The following NFX1 variants were observed in gnomAD, a reference collection of about 807,000 sequenced individuals.
NFX1 encodes the protein transcriptional repressor NF-X1.
NFX1 carries 69 observed loss-of-function variants against 137.2 expected under a neutral mutation model. The ratio of observed to expected loss-of-function variants is 0.50; its 90% CI spans 0.41 to 0.61. The LOEUF (loss-of-function observed/expected upper bound fraction) is 0.61, where lower values mean the gene tolerates loss of function less well. NFX1 is among the 20% of genes least tolerant of loss of function. The pLI is 0.00. For missense variants in NFX1, 1,167 were observed against 1,391.0 expected, an observed-to-expected ratio of 0.84 and a Z score of 2.56; for synonymous variants, 495 against 474.1, an observed-to-expected ratio of 1.04 and a Z score of -0.57.
rs1336922994 is a variant in NFX1 at position 33,303,229 on chromosome 9, G to C, written c.1231G>C (p.Val411Leu). 6.2e-7 allele frequency: 1 copy of C among 1,614,098 alleles called. No homozygotes were observed. The highest frequency in any genetic ancestry group is 1.1e-5 in the South Asian group (1 of 91,076). ...SGWRCPACQN[V>L]SAHVPNTYTC... Reference sequence around the variant, plus strand: ...TTGGAGGTGCCCTGCCTGTCAGAATGTTTCTGCACATGTTCCTAATACCTA... The same window carrying C: ...TTGGAGGTGCCCTGCCTGTCAGAATCTTTCTGCACATGTTCCTAATACCTA... The change falls in exon 4 of 24, where the codon GTT (valine) becomes CTT (leucine). Residue 411 changes from valine (V) to leucine (L), a missense_variant. By Grantham distance (32) the Val-to-Leu change is conservative. Around this residue, in one of 3 missense-constraint regions of NFX1, gnomAD observed 488 missense variants for 691.5 expected, o/e 0.71. Transcript: ENST00000379540.
chr9:33,315,594 A>C lies in NFX1; in HGVS notation c.1588+1801A>C, dbSNP rs553975337. 4.6e-5 allele frequency among the ~76,000 whole-genome samples: 7 copies of C among 152,088 alleles called. No homozygotes were observed. The South Asian group carries it at 1.2e-3, about 27-fold the overall frequency. On this transcript the variant is annotated intron_variant, in intron 7 of 23. Transcript: ENST00000379540. Reference sequence around the variant, plus strand: ...TGTGAAACATGCTCAGAGACCACACATCCTCTTAAAAGTGGCTAGATTGGC... The same window carrying C: ...TGTGAAACATGCTCAGAGACCACACCTCCTCTTAAAAGTGGCTAGATTGGC...
chr9:33,348,559 A>G (rs1015181664), intron 15 of NFX1: 1 of 155,724 alleles, frequency 6.4e-6, no homozygotes, highest in African/African-American at 2.4e-5. Context: ...ATAATGAAAA[A>G]GTCTGAGATG....
At chr9:33,351,983 C>T in intron 16 of NFX1, 193 bp downstream of exon 16, 1 of 535,562 alleles carries the variant, frequency 1.9e-6, no homozygotes, top group Non-Finnish European at 3.2e-6. Flanking sequence ...CCTTTTGATT[C>T]AGCAGGTACC....
At chr9:33,318,180 C>CA (rs1241972084) in intron 7 of NFX1, among the ~76,000 whole-genome samples, 1 of 151,780 alleles carries the variant, frequency 6.6e-6, no homozygotes, top group Admixed American at 6.6e-5. Context: ...ACTCTCATGC[C>CA]AATTTTTAAA....
At position 33,319,031 on chromosome 9, in the gene NFX1, T is replaced by G. The variant is rs1822282918; in HGVS notation, c.1810T>G (p.Leu604Val). 1 of 1,614,074 alleles carries G rather than the reference T, an allele frequency of 6.2e-7. No individual in the cohort carries two copies. Among genetic ancestry groups the G allele is most frequent in the Non-Finnish European group, 8.5e-7 (1 of 1,180,034 alleles). Residue 604 changes from leucine (L) to valine (V), a missense_variant, in exon 9 of 24, where the codon TTG (leucine) becomes GTG (valine). Physicochemically the swap from Leu to Val is conservative, Grantham distance 32. Transcript: ENST00000379540. ...CPCGQTPLSQ[L>V]LELGSSSRKT... is the part of the protein sequence containing the mutation. ...CTGTGGCCAAACTCCTCTCAGCCAATTGCTAGAACTTGGAAGTAGTAGTCG... is the reference window on the plus strand; with the variant it reads ...CTGTGGCCAAACTCCTCTCAGCCAAGTGCTAGAACTTGGAAGTAGTAGTCG...
At chr9:33,355,641 C>CTT (rs35866452) in intron 19 of NFX1, among the ~76,000 whole-genome samples, 26 of 92,168 alleles carry the variant, frequency 2.8e-4, no homozygotes, top group African/African-American at 7.6e-4. Flanking sequence ...GTTAAGAATT[C>CTT]TTTTTTTTTT....
At chr9:33,364,169 A>C in intron 20 of NFX1, 61 bp downstream of exon 20, 1 of 1,168,128 alleles carries the variant, frequency 8.6e-7, no homozygotes, top group Non-Finnish European at 1.2e-6. Context: ...GTCTTTTGAG[A>C]TGTCATAACT....
At position 33,364,712 on chromosome 9, in the gene NFX1, G is replaced by A; in HGVS notation, c.2977G>A (p.Asp993Asn). 1 of 1,613,358 alleles carries A rather than the reference G, an allele frequency of 6.2e-7. No homozygotes were observed. Among genetic ancestry groups the A allele is most frequent in the South Asian group, 1.1e-5 (1 of 90,876 alleles). Residue 993 changes from aspartate (D) to asparagine (N), a missense_variant, in exon 21 of 24, where the codon GAC (aspartate) becomes AAC (asparagine). Around this residue, in one of 3 missense-constraint regions of NFX1, gnomAD observed 312 missense variants for 312.8 expected, o/e 1.00. Transcript: ENST00000379540. ...SDSLKEDARK[D>N]LKFVSDVEKE... Reference sequence around the variant, plus strand: ...ACTGGTGATTTCTCATTTCAGGAAGGACTTAAAGTTTGTCAGTGACGTTGA... The same window carrying A: ...ACTGGTGATTTCTCATTTCAGGAAGAACTTAAAGTTTGTCAGTGACGTTGA...
In NFX1 at chr9:33,362,433, TA is replaced by T. The variant is rs1030996996; in HGVS notation, c.2874-1569del. ...TACAGAATGAAATACTATTCGGCCA[TA>T]AAAAAAATGAAACCCTGTCATTTGC... On this transcript the variant is annotated intron_variant, in intron 19 of 23. Coordinates refer to ENST00000379540, the MANE Select transcript of NFX1 (RefSeq NM_002504.6). Among the ~76,000 whole-genome samples the T allele has an allele frequency of 4.6e-5, 7 of 151,710 alleles. No homozygotes were observed. In the East Asian group the frequency reaches 5.8e-4, roughly 13 times the overall value.
At chr9:33,297,712 A>G (rs1269288410) in intron 2 of NFX1, among the ~76,000 whole-genome samples, 2 of 152,212 alleles carry the variant, frequency 1.3e-5, no homozygotes, top group East Asian at 3.8e-4. Context: ...CTCAGCTCCT[A>G]GAGGCCACCT....
intron 5 of NFX1, 64 bp from the exon 6 acceptor site, chr9:33,311,042 G>A: frequency 1.4e-6 from 2 of 1,477,804 alleles, no homozygotes; most frequent in South Asian, 2.3e-5. Context: ...GACCCAGCTG[G>A]GACAGCTTTG....
At position 33,370,750 on chromosome 9, in the gene NFX1, A is replaced by G. The variant is rs1439336544; in HGVS notation, c.*772A>G. The G allele has an allele frequency of 6.6e-6, 1 of 152,246 alleles. No individual in the cohort carries two copies. The highest frequency in any genetic ancestry group is 1.5e-5 in the Non-Finnish European group (1 of 68,070). 9.4% of individuals were successfully genotyped at this position (152,246 alleles called of 1,614,324 possible). Reference sequence around the variant, plus strand: ...GAGAGCAAGTTCTTCTGCCAGGGTCACACTGTGGTCTCTGAACTGACCAGT... The same window carrying G: ...GAGAGCAAGTTCTTCTGCCAGGGTCGCACTGTGGTCTCTGAACTGACCAGT... On this transcript the variant is annotated 3_prime_UTR_variant, in exon 24 of 24. Transcript: ENST00000379540.
intron 23 of NFX1, among the ~76,000 whole-genome samples, chr9:33,368,178 T>A (rs1042354150): frequency 4.6e-5 from 7 of 151,868 alleles, no homozygotes; most frequent in Admixed American, 2.0e-4. Flanking sequence ...GAGGTTGCAG[T>A]GAGCCGAGAT....
chr9:33,367,752 T>A, intron 23 of NFX1, 133 bp downstream of exon 23: 1 of 727,418 alleles, frequency 1.4e-6, no homozygotes, highest in Non-Finnish European at 2.3e-6. Context: ...TTCAAATATG[T>A]AATGTTTAGT....
At position 33,313,660 on chromosome 9, in the gene NFX1, A is replaced by C; in HGVS notation, c.1455A>C (p.Thr485=). The C allele has an allele frequency of 6.2e-7, 1 of 1,614,094 alleles. No individual in the cohort carries two copies. The highest frequency in any genetic ancestry group is 8.5e-7 in the Non-Finnish European group (1 of 1,179,954). Residue 485 remains threonine, a synonymous_variant, in exon 7 of 24, where the codon ACA becomes ACC. Coordinates refer to ENST00000379540, the MANE Select transcript of NFX1 (RefSeq NM_002504.6). Reference sequence around the variant, plus strand: ...ACATCTATTGTCTTTACAGGCACACAGTTCGCTGTGGTCAGGCTGTCTCAG... The same window carrying C: ...ACATCTATTGTCTTTACAGGCACACCGTTCGCTGTGGTCAGGCTGTCTCAG... ...KTCECGRTRH[T]VRCGQAVSVH...
At position 33,370,061 on chromosome 9, in the gene NFX1, C is replaced by A; in HGVS notation, c.*83C>A. On this transcript the variant is annotated 3_prime_UTR_variant, in exon 24 of 24. Coordinates refer to ENST00000379540, the MANE Select transcript of NFX1 (RefSeq NM_002504.6). ...CAGCAGATAAATCATGCCCGTTCCC[C>A]TCTGCCTGGCAGAATCACAGTCTCA... The A allele has an allele frequency of 1.9e-6, 2 of 1,029,136 alleles. No homozygotes were observed. The highest frequency in any genetic ancestry group is 3.0e-6 in the Non-Finnish European group (2 of 672,360). The allele number at this position is 1,029,136 out of a possible 1,614,324, so 63.8% of individuals were successfully genotyped here.
chr9:33,328,769 GA>G, intron 10 of NFX1, 91 bp downstream of exon 10: 3 of 1,047,366 alleles, frequency 2.9e-6, no homozygotes, highest in Non-Finnish European at 4.4e-6. Flanking sequence ...AACCTCAGTA[GA>G]TTAGGTATGG....
intron 15 of NFX1, chr9:33,347,651 C>A (rs376586763): frequency 2.6e-6 from 1 of 383,342 alleles, no homozygotes; most frequent in Admixed American, 3.1e-5. Flanking sequence ...GTAGATTTAC[C>A]GTTTGATCCA....
intron 11 of NFX1, among the ~76,000 whole-genome samples, chr9:33,336,309 A>G (rs891453455): frequency 1.3e-5 from 2 of 152,000 alleles, no homozygotes; most frequent in Non-Finnish European, 2.9e-5. Flanking sequence ...TCCACCTCCC[A>G]GGTTCGAGTG....
Sources: gnomAD v4.1 joint callset for allele counts (sites outside exome capture counted in the v4.1 genomes callset) on GRCh38, gnomAD v4.1.1 for gene constraint, gnomAD v4.1.1 regional missense constraint, MANE v1.5 for transcripts, NCBI Gene and HGNC (gene_info 2026-07-23, HGNC 2026-07-21) for gene names.